Variants in ZNF423 observed in about 807,000 individuals in gnomAD.
ZNF423 encodes the protein Ebf-associated zinc finger protein.
In ZNF423, 12 loss-of-function variants were observed where a neutral mutation model predicts 95.8. That is an observed-to-expected ratio of 0.13 (90% CI 0.08 to 0.20). The LOEUF (loss-of-function observed/expected upper bound fraction) is 0.20. Ranked by LOEUF, ZNF423 falls within the 10% of genes least tolerant of loss-of-function variation. ZNF423 has a pLI of 1.00. For missense variants in ZNF423, 1,316 were observed against 1,737.1 expected, an observed-to-expected ratio of 0.76 and a Z score of 4.31; for synonymous variants, 749 against 711.9, an observed-to-expected ratio of 1.05 and a Z score of -0.83.
chr16:49,514,214 G>GCACA (rs1968032242), intron 7 of ZNF423, among the ~76,000 whole-genome samples: 5 of 35,480 alleles, frequency 1.4e-4, no homozygotes, highest in African/African-American at 9.7e-4. Context: ...ACACACACAT[G>GCACA]CACACGCACA....
At chr16:49,658,423 A>T (rs1165425564) in intron 3 of ZNF423, among the ~76,000 whole-genome samples, 1 of 152,210 alleles carries the variant, frequency 6.6e-6, no homozygotes, top group Non-Finnish European at 1.5e-5. Context: ...TGAGGGCCCC[A>T]CTCACCCCTA....
chr16:49,838,647 G>A (rs375264106), intron 1 of ZNF423, among the ~76,000 whole-genome samples: 3 of 152,026 alleles, frequency 2.0e-5, no homozygotes, highest in Non-Finnish European at 4.4e-5. Flanking sequence ...CGACGCCGCC[G>A]TCCCCAGCGC....
At chr16:49,508,962 T>C (rs887855962) in intron 7 of ZNF423, among the ~76,000 whole-genome samples, 11 of 152,124 alleles carry the variant, frequency 7.2e-5, no homozygotes, top group African/African-American at 1.9e-4. Flanking sequence ...TAAGAGAGGC[T>C]CTAAGGAGGA....
intron 1 of ZNF423, among the ~76,000 whole-genome samples, chr16:49,816,627 T>C (rs1248607225): frequency 1.3e-5 from 2 of 152,034 alleles, no homozygotes; most frequent in Non-Finnish European, 2.9e-5. Context: ...CTACTAAAAA[T>C]TTAAAAATTA....
chr16:49,656,307 T>C (rs923455021), intron 3 of ZNF423, among the ~76,000 whole-genome samples: 4 of 152,116 alleles, frequency 2.6e-5, no homozygotes, highest in Non-Finnish European at 5.9e-5. Context: ...GGTCAGGAGT[T>C]CAAGACCAGC....
intron 1 of ZNF423, among the ~76,000 whole-genome samples, chr16:49,791,333 T>G: frequency 6.6e-6 from 1 of 152,184 alleles, no homozygotes; most frequent in East Asian, 1.9e-4. Flanking sequence ...TATTATTCAC[T>G]AAAATGATTC....
chr16:49,827,720 G>A (rs1007834778), intron 1 of ZNF423, among the ~76,000 whole-genome samples: 1 of 152,142 alleles, frequency 6.6e-6, no homozygotes, highest in Non-Finnish European at 1.5e-5. Flanking sequence ...TAGGGTCTAT[G>A]TTGCCTGGGC....
chr16:49,640,029 C>T (rs1454889479), intron 3 of ZNF423, among the ~76,000 whole-genome samples: 1 of 152,194 alleles, frequency 6.6e-6, no homozygotes, highest in Non-Finnish European at 1.5e-5. Flanking sequence ...AGACCGCAGG[C>T]TGCTGCGGGC....
At chr16:49,647,818 C>T (rs1309370144) in intron 3 of ZNF423, among the ~76,000 whole-genome samples, 1 of 152,198 alleles carries the variant, frequency 6.6e-6, no homozygotes, top group Non-Finnish European at 1.5e-5. Flanking sequence ...TTTTAAGCCA[C>T]TGTGCTTATG....
rs933961863 is a variant in ZNF423 at position 49,488,405 on chromosome 16, A to G, written c.*2870T>C. 2.0e-5 allele frequency: 3 copies of G among 152,172 alleles called. No individual in the cohort carries two copies. The highest frequency in any genetic ancestry group is 7.2e-5 in the African/African-American group (3 of 41,452). 9.4% of individuals were successfully genotyped at this position (152,172 alleles called of 1,614,324 possible). ...CCTGGTCCATTTCCCAGCCTGGGCA[A>G]AATTCCTCTGCCCAGAGAGCCGCTA... On this transcript the variant is annotated 3_prime_UTR_variant, in exon 8 of 8. Transcript: ENST00000563137.
chr16:49,758,522 G>T (rs946880041), intron 2 of ZNF423, among the ~76,000 whole-genome samples: 5 of 152,090 alleles, frequency 3.3e-5, no homozygotes, highest in African/African-American at 1.2e-4. Context: ...AGGGAGAATC[G>T]CTTGAAGCCA....
At chr16:49,586,906 T>C (rs933528651) in intron 5 of ZNF423, among the ~76,000 whole-genome samples, 3 of 152,160 alleles carry the variant, frequency 2.0e-5, no homozygotes, top group Non-Finnish European at 4.4e-5. Flanking sequence ...CACTTTGTTT[T>C]CTGAAACCCC....
intron 2 of ZNF423, among the ~76,000 whole-genome samples, chr16:49,757,031 C>T (rs2033740409): frequency 6.6e-6 from 1 of 152,234 alleles, no homozygotes; most frequent in Non-Finnish European, 1.5e-5. Flanking sequence ...ACACAATAGA[C>T]AACTGGCCCT....
intron 5 of ZNF423, among the ~76,000 whole-genome samples, chr16:49,590,086 T>G (rs995813799): frequency 7.1e-6 from 1 of 141,282 alleles, no homozygotes. Flanking sequence ...GATGTCACCT[T>G]TCCCTGCGCA....
intron 1 of ZNF423, among the ~76,000 whole-genome samples, chr16:49,801,787 A>T (rs1339520743): frequency 3.3e-5 from 5 of 152,232 alleles, no homozygotes; most frequent in Non-Finnish European, 2.9e-5. Context: ...TTTACAGATG[A>T]GAAAACTAAG....
At chr16:49,702,917 A>G (rs565484929) in intron 3 of ZNF423, among the ~76,000 whole-genome samples, 2,682 of 93,656 alleles carry the variant, frequency 0.029, 70 homozygotes, top group African/African-American at 0.095. Context: ...ACGCACACAC[A>G]CACACACACA....
chr16:49,771,531 T>C (rs1415739997), intron 2 of ZNF423, among the ~76,000 whole-genome samples: 1 of 152,086 alleles, frequency 6.6e-6, no homozygotes, highest in African/African-American at 2.4e-5. Context: ...TTCCCAAAAT[T>C]CCTATGTGTT....
Position 49,491,312 on chromosome 16 carries a change from G to C in ZNF423, c.3850-8C>G. On this transcript the variant is annotated splice_region_variant and splice_polypyrimidine_tract_variant and intron_variant, in intron 7 of 7. Transcript: ENST00000563137. ...CTGGCTCATCGTGTGGTTCTGCAAA[G>C]GCGAAGAAAGGAGACACACATGAAG... The C allele has an allele frequency of 6.2e-7, 1 of 1,613,990 alleles. No individual in the cohort carries two copies. Among genetic ancestry groups the C allele is most frequent in the South Asian group, 1.1e-5 (1 of 91,078 alleles).
intron 5 of ZNF423, among the ~76,000 whole-genome samples, chr16:49,538,493 A>G (rs1969133561): frequency 1.3e-5 from 2 of 152,246 alleles, no homozygotes; most frequent in African/African-American, 4.8e-5. Flanking sequence ...CCACATTCAG[A>G]CACACTGCCT....
Sources: allele counts gnomAD v4.1 joint callset (sites outside exome capture counted in the v4.1 genomes callset), GRCh38; gene constraint gnomAD v4.1.1; transcripts MANE v1.5; gene names NCBI Gene and HGNC (gene_info 2026-07-23, HGNC 2026-07-21).